Variants in MORN1 observed in about 807,000 individuals in gnomAD.
MORN1 encodes MORN repeat-containing protein 1.
A neutral mutation model predicts 61.9 loss-of-function variants in MORN1; 67 were observed. That is an observed-to-expected ratio of 1.08 (90% CI 0.89 to 1.33). The LOEUF (loss-of-function observed/expected upper bound fraction) is 1.33, where lower values mean the gene tolerates loss of function less well. Among genes scored for constraint, MORN1 ranks in the 40% most tolerant of loss-of-function variants. MORN1 has a pLI of 0.00. For synonymous variants in MORN1, 301 were observed against 292.0 expected, an observed-to-expected ratio of 1.03 and a Z score of -0.31; for missense variants, 752 against 691.2, an observed-to-expected ratio of 1.09 and a Z score of -0.99.
Position 2,337,375 on chromosome 1 carries a change from G to A in MORN1, c.1037-525C>T, listed in dbSNP as rs1045886390. On this transcript the variant is annotated intron_variant, in intron 10 of 13. Coordinates refer to ENST00000378531, the MANE Select transcript of MORN1 (RefSeq NM_024848.3). The surrounding 1 kb of genome is among the most constrained non-coding windows in gnomAD (Gnocchi z 5.7). ...CGAGGGTGGCTGCGAGTCCCTCCAC[G>A]TGGCGGCAGACCCCAGGTCCTCGGG... Among the ~76,000 whole-genome samples, 18 of 152,320 alleles carry A rather than the reference G, an allele frequency of 1.2e-4. No individual in the cohort carries two copies. Among genetic ancestry groups the A allele is most frequent in the African/African-American group, 3.8e-4 (16 of 41,564 alleles).
At chr1:2,387,172 G>A (rs1439155865) in intron 4 of MORN1, 35 of 553,516 alleles carry the variant, frequency 6.3e-5, no homozygotes, top group South Asian at 3.5e-4. Context: ...AGCCACGGGC[G>A]TCTGTTCCGC....
chr1:2,329,764 G>T (rs1342116011), intron 12 of MORN1, among the ~76,000 whole-genome samples: 1 of 152,234 alleles, frequency 6.6e-6, no homozygotes, highest in Non-Finnish European at 1.5e-5. Context: ...TCTGTCGAGG[G>T]TCTATTTCAG....
intron 3 of MORN1, chr1:2,387,967 T>C (rs149385253): frequency 4.2e-4 from 199 of 470,302 alleles, no homozygotes; most frequent in African/African-American, 3.5e-3. Context: ...AGGGATACAA[T>C]GTGGCTGAAA....
At chr1:2,343,408 G>A (rs566573588) in intron 10 of MORN1, among the ~76,000 whole-genome samples, 222 of 152,360 alleles carry the variant, frequency 1.5e-3, no homozygotes, top group Non-Finnish European at 2.4e-3. Flanking sequence ...CGGGGCACCA[G>A]CCCTGCCGGG....
intron 8 of MORN1, among the ~76,000 whole-genome samples, chr1:2,370,671 CTT>C (rs1387270909): frequency 1.7e-5 from 2 of 118,584 alleles, no homozygotes; most frequent in East Asian, 7.0e-4. Flanking sequence ...ATTTTTTTTT[CTT>C]CTTTTTTTTT....
At chr1:2,383,486 C>G (rs1426224186) in intron 6 of MORN1, among the ~76,000 whole-genome samples, 1 of 152,242 alleles carries the variant, frequency 6.6e-6, no homozygotes, top group Non-Finnish European at 1.5e-5. Flanking sequence ...TCTCCAACCA[C>G]TGCTCCAACT....
chr1:2,333,489 G>A (rs1018864555), intron 12 of MORN1, among the ~76,000 whole-genome samples: 1 of 152,202 alleles, frequency 6.6e-6, no homozygotes, highest in African/African-American at 2.4e-5. Context: ...AGGGGCCATG[G>A]CTCCTGCAGA....
At chr1:2,348,146 C>A (rs1353724121) in intron 10 of MORN1, among the ~76,000 whole-genome samples, 1 of 152,236 alleles carries the variant, frequency 6.6e-6, no homozygotes, top group African/African-American at 2.4e-5. Context: ...CATTCCCGGG[C>A]CTTTCCCTGA....
intron 1 of MORN1, 148 bp from the exon 2 acceptor site, chr1:2,390,144 C>G (rs1642611146): frequency 9.8e-6 from 7 of 711,128 alleles, no homozygotes; most frequent in Middle Eastern, 4.9e-4. Context: ...ACCTGTGGGG[C>G]TCATGAGCTC....
At chr1:2,358,787 G>A in intron 8 of MORN1, 72 bp from the exon 9 acceptor site, 10 of 1,536,098 alleles carry the variant, frequency 6.5e-6, no homozygotes, top group Non-Finnish European at 7.9e-6. Flanking sequence ...CCCGGGGCAG[G>A]CTTCTGGGAC....
At chr1:2,341,384 C>T (rs555327939) in intron 10 of MORN1, among the ~76,000 whole-genome samples, 199 of 152,240 alleles carry the variant, frequency 1.3e-3, no homozygotes, top group African/African-American at 4.4e-3. Flanking sequence ...TCCCATTAGG[C>T]CAAACCACTG....
At chr1:2,326,105 C>T (rs1186482611) in intron 12 of MORN1, 1 of 152,156 alleles carries the variant, frequency 6.6e-6, no homozygotes, top group African/African-American at 2.4e-5. Context: ...CAACAGCCCA[C>T]CCAGAGCTCG....
chr1:2,384,668 CT>C (rs537402729), intron 6 of MORN1, among the ~76,000 whole-genome samples: 95 of 152,346 alleles, frequency 6.2e-4, no homozygotes, highest in African/African-American at 2.3e-3. Flanking sequence ...CCCCAGCACC[CT>C]TCTTCCTTTG....
At chr1:2,384,766 G>A (rs1308411365) in intron 6 of MORN1, among the ~76,000 whole-genome samples, 4 of 152,222 alleles carry the variant, frequency 2.6e-5, no homozygotes, top group Non-Finnish European at 5.9e-5. Context: ...GTATACACAA[G>A]GCACACATAT....
chr1:2,342,876 ATT>A (rs796425567), intron 10 of MORN1, among the ~76,000 whole-genome samples: 1 of 91,470 alleles, frequency 1.1e-5, no homozygotes, highest in East Asian at 3.5e-4. Context: ...TATTTATTTT[ATT>A]TTATTTTATT....
chr1:2,378,519 A>G (rs2100351951), intron 6 of MORN1: 2 of 180,006 alleles, frequency 1.1e-5, no homozygotes, highest in African/African-American at 2.4e-5. Context: ...CGGCAGGCAA[A>G]GCCGCCCAGA....
chr1:2,390,844 G>A lies in MORN1; in HGVS notation c.76+614C>T, dbSNP rs537083427. 2.9e-5 allele frequency: 20 copies of A among 695,110 alleles called. No homozygotes were observed. In the African/African-American group the frequency reaches 3.5e-4, roughly 12 times the overall value. The allele number at this position is 695,110 out of a possible 1,614,324, so 43.1% of individuals were successfully genotyped here. On this transcript the variant is annotated intron_variant, in intron 1 of 13. Coordinates refer to ENST00000378531, the MANE Select transcript of MORN1 (RefSeq NM_024848.3). ...GCTCTCTGCAACCTCCGCTTCCTGG[G>A]TTCAAGCGATTCTCCTGCCTCAGCC...
intron 5 of MORN1, chr1:2,385,329 G>A: frequency 1.8e-6 from 1 of 540,812 alleles, no homozygotes; most frequent in Non-Finnish European, 3.3e-6. Context: ...AATGGGAAAT[G>A]ACCCAGGAGA....
intron 3 of MORN1, 39 bp downstream of exon 3, chr1:2,388,200 T>G: frequency 4.1e-4 from 622 of 1,515,072 alleles, no homozygotes; most frequent in Non-Finnish European, 5.2e-4. Context: ...CGATGGGTTA[T>G]GAGAAAGGAG....
Sources: allele counts gnomAD v4.1 joint callset (sites outside exome capture counted in the v4.1 genomes callset), GRCh38; gene constraint gnomAD v4.1.1; non-coding constraint Gnocchi (gnomAD v3.1); transcripts MANE v1.5; gene names NCBI Gene and HGNC (gene_info 2026-07-23, HGNC 2026-07-21).